ELFN2: variants seen among roughly 807,000 people sequenced by gnomAD.
ELFN2 encodes extracellular leucine rich repeat and fibronectin type III domain containing 2.
Under a neutral mutation model 45.5 loss-of-function variants are expected in ELFN2, and 17 were observed. The observed-to-expected ratio is 0.37, with a 90% CI of 0.26 to 0.56. The LOEUF is 0.56. Ranked by LOEUF, ELFN2 falls within the 20% of genes least tolerant of loss-of-function variation. ELFN2 has a pLI of 0.77. For missense variants in ELFN2, 922 were observed against 1,183.2 expected (o/e 0.78, Z 3.24); for synonymous variants, 550 against 551.5 (o/e 1.00, Z 0.04).
chr22:37,344,237 C>CCCACCTGCCCACAT (rs1930641297), intron 1 of ELFN2, among the ~76,000 whole-genome samples: 1 of 63,170 alleles, frequency 1.6e-5, no homozygotes, highest in African/African-American at 7.2e-5. Flanking sequence ...CCTGCCCATG[C>CCCACCTGCCCACAT]CCACCTGCCC....
chr22:37,398,360 C>T (rs929457469), intron 2 of ELFN2, among the ~76,000 whole-genome samples: 3 of 152,082 alleles, frequency 2.0e-5, no homozygotes, highest in Non-Finnish European at 4.4e-5. Flanking sequence ...TTCCAGCCAC[C>T]TGCCGTGCCT....
intron 2 of ELFN2, among the ~76,000 whole-genome samples, chr22:37,388,189 G>T (rs73166407): frequency 0.14 from 21,385 of 151,762 alleles, 1,833 homozygotes; most frequent in Non-Finnish European, 0.19. Context: ...TCGTTGGCTC[G>T]GGCTGATCTG....
chr22:37,405,508 A>C (rs573065694), intron 2 of ELFN2, among the ~76,000 whole-genome samples: 28 of 152,220 alleles, frequency 1.8e-4, no homozygotes, highest in African/African-American at 5.8e-4. Context: ...CCTGCCTGGG[A>C]CATAGCAAGC....
intron 2 of ELFN2, among the ~76,000 whole-genome samples, chr22:37,396,763 T>C (rs2145665931): frequency 6.6e-6 from 1 of 152,244 alleles, no homozygotes; most frequent in South Asian, 2.1e-4. Context: ...TGCATGCCCC[T>C]GGCTGCTCAG....
intron 2 of ELFN2, among the ~76,000 whole-genome samples, chr22:37,401,108 C>T (rs191044619): frequency 4.1e-4 from 63 of 152,312 alleles, no homozygotes; most frequent in African/African-American, 1.3e-3. Context: ...ATGCGGGGGC[C>T]GTGGGGCCTA....
intron 1 of ELFN2, among the ~76,000 whole-genome samples, chr22:37,361,136 G>T (rs1478309544): frequency 2.0e-5 from 3 of 152,138 alleles, no homozygotes; most frequent in Non-Finnish European, 2.9e-5. Context: ...CCCACCACAG[G>T]TGCCAGCCAG....
At chr22:37,400,542 C>T (rs9610737) in intron 2 of ELFN2, among the ~76,000 whole-genome samples, 1 of 152,218 alleles carries the variant, frequency 6.6e-6, no homozygotes, top group African/African-American at 2.4e-5. Context: ...TAAACCTCTT[C>T]GCTGTCACCC....
intron 1 of ELFN2, among the ~76,000 whole-genome samples, chr22:37,346,113 T>G (rs1193203831): frequency 6.6e-6 from 1 of 152,206 alleles, no homozygotes; most frequent in East Asian, 1.9e-4. Context: ...GATGTGAGAA[T>G]TAAGGGAGAT....
chr22:37,401,274 G>A (rs1416582478), intron 2 of ELFN2, among the ~76,000 whole-genome samples: 2 of 152,216 alleles, frequency 1.3e-5, no homozygotes, highest in Non-Finnish European at 2.9e-5. Flanking sequence ...CTAAGACAGG[G>A]ACACACAGTT....
chr22:37,361,648 C>G (rs1326866013), intron 1 of ELFN2, among the ~76,000 whole-genome samples: 1 of 152,140 alleles, frequency 6.6e-6, no homozygotes, highest in Non-Finnish European at 1.5e-5. Context: ...TAACTCAGAG[C>G]CCAGGCCTAT....
downstream of ELFN2, among the ~76,000 whole-genome samples, chr22:37,366,521 G>C (rs565235120): frequency 2.6e-5 from 4 of 152,364 alleles, no homozygotes; most frequent in Admixed American, 6.5e-5. Context: ...AACAGAAACA[G>C]CTCCTGCTGA....
chr22:37,412,215 G>A (rs1932664497), intron 2 of ELFN2, among the ~76,000 whole-genome samples: 1 of 147,336 alleles, frequency 6.8e-6, no homozygotes, highest in African/African-American at 2.6e-5. Context: ...TCTGGGCATT[G>A]TGGCAGTCGC....
Position 37,370,048 on chromosome 22 carries a change from A to C in ELFN2, c.*3024T>G, listed in dbSNP as rs6000694. 11,854 of 152,098 alleles carry C rather than the reference A, an allele frequency of 0.078. 578 individuals carry two copies. The highest frequency in any genetic ancestry group is 0.13 in the African/African-American group (5,347 of 41,460). The allele number at this position is 152,098 out of a possible 1,614,324, so 9.4% of individuals were successfully genotyped here. ...CTCCGGGTGGGCTCTCCCCAAGCTG[A>C]GCAGTTGGGGCTCTGGCCTGGCTGG... is the stretch of plus-strand genomic sequence containing the variant. On this transcript the variant is annotated 3_prime_UTR_variant, in exon 3 of 3. Coordinates refer to ENST00000402918, the MANE Select transcript of ELFN2 (RefSeq NM_052906.5).
Position 37,373,174 on chromosome 22 carries a change from G to A in ELFN2, c.2361C>T (p.Ala787=), listed in dbSNP as rs538751449. The A allele has an allele frequency of 3.2e-5, 52 of 1,613,802 alleles. No individual in the cohort carries two copies. Among genetic ancestry groups the A allele is most frequent in the Middle Eastern group, 3.3e-4 (2 of 6,062 alleles). Residue 787 remains alanine, a synonymous_variant, in exon 3 of 3, where the codon GCC becomes GCT. Transcript: ENST00000402918. The stretch of plus-strand genomic sequence containing the variant: ...CCTTCTTGCGCAGGGCGTGACCGGC[G>A]GCCATGTACACCTCCTCCCGGTGGT... ...KKHHREEVYM[A]AGHALRKKVQ...
chr22:37,411,933 G>T (rs1329617414), intron 2 of ELFN2, among the ~76,000 whole-genome samples: 2 of 151,848 alleles, frequency 1.3e-5, no homozygotes, highest in African/African-American at 4.8e-5. Flanking sequence ...TGCAGCCCCT[G>T]CCCCAATCCA....
intron 1 of ELFN2, among the ~76,000 whole-genome samples, chr22:37,422,606 T>C (rs1028776100): frequency 6.6e-6 from 1 of 151,906 alleles, no homozygotes; most frequent in African/African-American, 2.4e-5. Context: ...TGGGGAAGTT[T>C]TTTTTGAGAC....
intron 1 of ELFN2, chr22:37,353,164 TC>T (rs1396221986): frequency 6.6e-6 from 1 of 150,976 alleles, no homozygotes; most frequent in African/African-American, 2.4e-5. Context: ...CCAAAGTCCT[TC>T]CTCCTCTTGC....
rs148847471 is a variant in ELFN2 at position 37,389,988 on chromosome 22, C to T, written c.-462-13992G>A. Among the ~76,000 whole-genome samples, 627 of 152,282 alleles carry T rather than the reference C, an allele frequency of 4.1e-3. 5 individuals are homozygous for T. The highest frequency in any genetic ancestry group is 0.015 in the African/African-American group (616 of 41,560). On this transcript the variant is annotated intron_variant, in intron 2 of 2. Transcript: ENST00000402918. ...CTGGTGGGGTGAGGAACCTGGCCTG[C>T]CCCAAGGAGCCCACGGGCCCTGGGG...
chr22:37,418,925 C>A (rs1262718368), intron 1 of ELFN2: 1 of 152,262 alleles, frequency 6.6e-6, no homozygotes, highest in Non-Finnish European at 1.5e-5. Flanking sequence ...GGCGGAACCT[C>A]GTCTCCATCT....
Sources: gnomAD v4.1 joint callset for allele counts (sites outside exome capture counted in the v4.1 genomes callset) on GRCh38, gnomAD v4.1.1 for gene constraint, MANE v1.5 for transcripts, NCBI Gene and HGNC (gene_info 2026-07-23, HGNC 2026-07-21) for gene names.